CDH18: variants seen among roughly 807,000 people sequenced by gnomAD.
CDH18 encodes the protein cadherin 18.
Under a neutral mutation model 67.9 loss-of-function variants are expected in CDH18, and 31 were observed. The ratio of observed to expected loss-of-function variants is 0.46; its 90% CI spans 0.34 to 0.62. CDH18 has a LOEUF of 0.62. Among genes scored for constraint, CDH18 ranks in the 20% least tolerant of loss-of-function variants. The pLI is 0.01. For synonymous variants in CDH18, 362 were observed against 347.2 expected, an observed-to-expected ratio of 1.04 and a Z score of -0.48; for missense variants, 890 against 975.5, an observed-to-expected ratio of 0.91 and a Z score of 1.17.
intron 2 of CDH18, among the ~76,000 whole-genome samples, chr5:20,169,243 A>G (rs1736517354): frequency 6.6e-6 from 1 of 152,116 alleles, no homozygotes; most frequent in African/African-American, 2.4e-5. Flanking sequence ...CATCTCATGT[A>G]CCCCATAAAT....
chr5:20,515,733 C>A (rs1755330011), intron 1 of CDH18, among the ~76,000 whole-genome samples: 1 of 152,002 alleles, frequency 6.6e-6, no homozygotes, highest in African/African-American at 2.4e-5. Context: ...TAATTGAATT[C>A]TTTATATCCA....
chr5:20,361,940 A>T (rs905249463), intron 1 of CDH18, among the ~76,000 whole-genome samples: 3 of 152,160 alleles, frequency 2.0e-5, no homozygotes, highest in Non-Finnish European at 4.4e-5. Context: ...GTTTAGTATA[A>T]ATGTTACTTG....
At chr5:20,447,034 T>G (rs551521319) in intron 1 of CDH18, among the ~76,000 whole-genome samples, 53 of 151,756 alleles carry the variant, frequency 3.5e-4, no homozygotes, top group Non-Finnish European at 6.2e-4. Flanking sequence ...GAAAATAGAT[T>G]TACTAGATAA....
chr5:20,302,634 T>C (rs1471771735), intron 1 of CDH18, among the ~76,000 whole-genome samples: 1 of 152,134 alleles, frequency 6.6e-6, no homozygotes, highest in Admixed American at 6.6e-5. Context: ...ATAAAATTGC[T>C]CCCGGCCCCA....
intron 2 of CDH18, among the ~76,000 whole-genome samples, chr5:19,960,598 T>C (rs1191493881): frequency 1.5e-5 from 2 of 137,588 alleles, no homozygotes; most frequent in Admixed American, 7.4e-5. Context: ...TGTATATATA[T>C]ATATACACAC....
chr5:20,097,215 A>AT (rs35053046), intron 2 of CDH18, among the ~76,000 whole-genome samples: 1 of 151,906 alleles, frequency 6.6e-6, no homozygotes, highest in Non-Finnish European at 1.5e-5. Context: ...TCCATTGCAC[A>AT]TTTTTTTCAC....
chr5:19,557,741 C>CAGA (rs1238112107), intron 8 of CDH18, among the ~76,000 whole-genome samples: 1 of 152,000 alleles, frequency 6.6e-6, no homozygotes, highest in Non-Finnish European at 1.5e-5. Context: ...GTCATGAAGA[C>CAGA]AGAAAGTCAA....
chr5:20,529,440 G>A lies in CDH18; in HGVS notation c.-580+46022C>T, dbSNP rs770982705. Reference sequence around the variant, plus strand: ...AACCTGGCAGAGATACAACAAAAAAGGAAAACTTTAGGCCAATATCCCTGA... The same window carrying A: ...AACCTGGCAGAGATACAACAAAAAAAGAAAACTTTAGGCCAATATCCCTGA... On this transcript the variant is annotated intron_variant, in intron 1 of 14. Coordinates refer to the CDH18 transcript ENST00000507958. Among the ~76,000 whole-genome samples the A allele has an allele frequency of 1.2e-3, 177 of 151,972 alleles. 5 individuals are homozygous for A. Among genetic ancestry groups the A allele is most frequent in the African/African-American group, 3.9e-3 (162 of 41,444 alleles).
chr5:19,838,772 T>A lies in CDH18; in HGVS notation c.215A>T (p.Gln72Leu), dbSNP rs1781947307. The change falls in exon 3 of 13, where the codon CAG (glutamine) becomes CTG (leucine). Residue 72 changes from glutamine to leucine, a missense_variant. Gln to Leu is a moderately radical substitution (Grantham distance 113). Transcript: ENST00000382275. ...VLEEHMGPDPQYVGKLHSNSD... is the reference protein window; with the variant it reads ...VLEEHMGPDPLYVGKLHSNSD... ...ACAAAATCTTACCTTTCCAACATAC[T>A]GAGGATCTGGTCCCATATGTTCTTC... is the stretch of plus-strand genomic sequence containing the variant. The A allele has an allele frequency of 6.2e-7, 1 of 1,610,218 alleles. No individual in the cohort carries two copies. The highest frequency in any genetic ancestry group is 8.5e-7 in the Non-Finnish European group (1 of 1,176,550).
chr5:20,441,918 CTT>C (rs139781454), intron 1 of CDH18, among the ~76,000 whole-genome samples: 4,910 of 151,828 alleles, frequency 0.032, 125 homozygotes, highest in Non-Finnish European at 0.039. Flanking sequence ...AAAATAATGT[CTT>C]ATGTGCAATA....
At chr5:20,156,789 G>A (rs1432898978) in intron 2 of CDH18, among the ~76,000 whole-genome samples, 2 of 152,072 alleles carry the variant, frequency 1.3e-5, no homozygotes, top group Non-Finnish European at 2.9e-5. Flanking sequence ...CCCATCATAG[G>A]TGTTATAAAA....
chr5:20,537,397 G>GT (rs1756787450), intron 1 of CDH18, among the ~76,000 whole-genome samples: 1 of 117,532 alleles, frequency 8.5e-6, no homozygotes, highest in Non-Finnish European at 1.9e-5. Context: ...TTAAAAAACT[G>GT]ATTTTTTATT....
chr5:19,936,842 C>T (rs1167882352), intron 2 of CDH18, among the ~76,000 whole-genome samples: 1 of 150,646 alleles, frequency 6.6e-6, no homozygotes, highest in African/African-American at 2.4e-5. Context: ...AATATAGAAA[C>T]TGACAAATAA....
chr5:20,148,525 A>T (rs888651579), intron 2 of CDH18, among the ~76,000 whole-genome samples: 8 of 152,196 alleles, frequency 5.3e-5, no homozygotes, highest in Non-Finnish European at 8.8e-5. Flanking sequence ...GACCATCAGC[A>T]TTCATAGATA....
intron 2 of CDH18, among the ~76,000 whole-genome samples, chr5:20,156,442 G>T (rs1751536532): frequency 2.0e-5 from 3 of 152,134 alleles, no homozygotes; most frequent in Non-Finnish European, 4.4e-5. Context: ...CATGGATGCA[G>T]CTGGAGCCCA....
chr5:19,829,554 A>C (rs1780794867), intron 3 of CDH18, among the ~76,000 whole-genome samples: 1 of 152,204 alleles, frequency 6.6e-6, no homozygotes, highest in Admixed American at 6.6e-5. Context: ...TATTCAAAGA[A>C]ATCAGAGATG....
chr5:19,471,485 G>T lies in CDH18; in HGVS notation c.*1741C>A, dbSNP rs1737647292. On this transcript the variant is annotated 3_prime_UTR_variant, in exon 13 of 13. Transcript: ENST00000382275. ...AGACAGAAAATGTCATATAACTTTT[G>T]GGGACACTGATAATGATAAATTTAA... is the stretch of plus-strand genomic sequence containing the variant. Among the ~76,000 whole-genome samples the T allele has an allele frequency of 6.6e-6, 1 of 151,912 alleles. No homozygotes were observed.
At chr5:20,113,437 C>T (rs371510580) in intron 2 of CDH18, among the ~76,000 whole-genome samples, 4 of 152,092 alleles carry the variant, frequency 2.6e-5, no homozygotes, top group South Asian at 2.1e-4. Context: ...CTCCCCGCCC[C>T]ACAACTAAAA....
chr5:19,589,065 T>C (rs1460831673), intron 7 of CDH18, among the ~76,000 whole-genome samples: 2 of 152,070 alleles, frequency 1.3e-5, no homozygotes, highest in Non-Finnish European at 2.9e-5. Flanking sequence ...TAGTAGATTC[T>C]GATAGTTATC....
Sources: gnomAD v4.1 joint callset for allele counts (sites outside exome capture counted in the v4.1 genomes callset) on GRCh38, gnomAD v4.1.1 for gene constraint, MANE v1.5 for transcripts, NCBI Gene and HGNC (gene_info 2026-07-23, HGNC 2026-07-21) for gene names.